Variants in BMPR1B observed in about 807,000 individuals in gnomAD.
BMPR1B encodes bone morphogenetic protein receptor type-1B.
In BMPR1B, 12 loss-of-function variants were observed where a neutral mutation model predicts 59.1. That is an observed-to-expected ratio of 0.20 (90% confidence interval 0.13 to 0.33). The LOEUF (loss-of-function observed/expected upper bound fraction) is 0.33, where lower values mean the gene tolerates loss of function less well. Among genes scored for constraint, BMPR1B ranks in the 10% least tolerant of loss-of-function variants. The probability of loss-of-function intolerance (pLI) is 1.00; values close to 1 mark genes in which losing one functional copy is unlikely to be tolerated. For missense variants in BMPR1B, 550 were observed against 610.9 expected, an observed-to-expected ratio of 0.90 and a Z score of 1.05; for synonymous variants, 237 against 207.3, an observed-to-expected ratio of 1.14 and a Z score of -1.23.
chr4:94,925,057 A>G (rs1335710513), intron 2 of BMPR1B, among the ~76,000 whole-genome samples: 2 of 152,114 alleles, frequency 1.3e-5, no homozygotes, highest in Non-Finnish European at 2.9e-5. Context: ...AATACATATT[A>G]GATCATGCTT....
chr4:94,841,768 C>T (rs1368861514), intron 1 of BMPR1B, among the ~76,000 whole-genome samples: 2 of 152,130 alleles, frequency 1.3e-5, no homozygotes, highest in African/African-American at 2.4e-5. Flanking sequence ...CCTATTCGGC[C>T]ATCTTGGCTC....
At position 95,070,271 on chromosome 4, in the gene BMPR1B, C is replaced by T. The variant is rs561397958; in HGVS notation, c.-17-34137C>T. On this transcript the variant is annotated intron_variant, in intron 3 of 12. Coordinates refer to ENST00000515059, the MANE Select transcript of BMPR1B (RefSeq NM_001203.3). ...CCTTTTGGCATCTTCTTAACGTCATCAATGGTGAGAGGAGGAAGGATTACA... is the reference window on the plus strand; with the variant it reads ...CCTTTTGGCATCTTCTTAACGTCATTAATGGTGAGAGGAGGAAGGATTACA... Among the ~76,000 whole-genome samples the T allele has an allele frequency of 3.0e-4, 46 of 152,182 alleles. No homozygotes were observed. In the South Asian group the frequency reaches 4.6e-3, roughly 15 times the overall value.
intron 1 of BMPR1B, among the ~76,000 whole-genome samples, chr4:94,783,367 T>G (rs1722651187): frequency 6.6e-6 from 1 of 152,338 alleles, no homozygotes; most frequent in East Asian, 1.9e-4. Flanking sequence ...AGTTTATGTC[T>G]CTCATGGATC....
At chr4:95,137,999 C>T (rs886363058) in intron 10 of BMPR1B, among the ~76,000 whole-genome samples, 6 of 152,166 alleles carry the variant, frequency 3.9e-5, no homozygotes, top group African/African-American at 7.2e-5. Flanking sequence ...TTCTTCCTAG[C>T]ATCGATGGTC....
chr4:95,020,753 G>A (rs1229127857), intron 3 of BMPR1B, among the ~76,000 whole-genome samples: 1 of 152,156 alleles, frequency 6.6e-6, no homozygotes, highest in East Asian at 1.9e-4. Context: ...GAGTACAGTG[G>A]CACGATCGTT....
chr4:95,094,214 G>T (rs1352631976), intron 3 of BMPR1B, among the ~76,000 whole-genome samples: 2 of 152,008 alleles, frequency 1.3e-5, no homozygotes, highest in Non-Finnish European at 2.9e-5. Flanking sequence ...TTTGCTAAAT[G>T]AATCAATGTA....
chr4:94,835,430 T>C (rs1010992059), intron 1 of BMPR1B, among the ~76,000 whole-genome samples: 6 of 152,170 alleles, frequency 3.9e-5, no homozygotes, highest in Non-Finnish European at 8.8e-5. Flanking sequence ...TAGTTCTCTA[T>C]ATATGCTAGC....
intron 3 of BMPR1B, among the ~76,000 whole-genome samples, chr4:95,014,486 AAT>A (rs1723442235): frequency 6.6e-6 from 1 of 152,178 alleles, no homozygotes; most frequent in Non-Finnish European, 1.5e-5. Flanking sequence ...AACTCCAACT[AAT>A]ATTAAATTAA....
chr4:94,945,850 A>G (rs574915964), intron 2 of BMPR1B, among the ~76,000 whole-genome samples: 2 of 152,322 alleles, frequency 1.3e-5, no homozygotes, highest in African/African-American at 4.8e-5. Flanking sequence ...TTTTTTACAT[A>G]ATATATTGAC....
At chr4:95,038,958 C>T (rs148451229) in intron 3 of BMPR1B, among the ~76,000 whole-genome samples, 128 of 152,282 alleles carry the variant, frequency 8.4e-4, no homozygotes, top group African/African-American at 2.7e-3. Context: ...GGATAACTCA[C>T]TGCTTGACTA....
chr4:95,039,062 C>T (rs17022921), intron 3 of BMPR1B, among the ~76,000 whole-genome samples: 5 of 152,040 alleles, frequency 3.3e-5, no homozygotes, highest in African/African-American at 7.2e-5. Flanking sequence ...ACAAGGTGAT[C>T]GGATAAAGGA....
intron 2 of BMPR1B, among the ~76,000 whole-genome samples, chr4:94,942,759 G>A (rs1200506125): frequency 6.6e-6 from 1 of 152,186 alleles, no homozygotes; most frequent in Non-Finnish European, 1.5e-5. Context: ...AAACCAGCAG[G>A]TGTTAAGAAA....
rs906886192 is a variant in BMPR1B at position 94,806,277 on chromosome 4, G to T, written c.-183+48209G>T. Among the ~76,000 whole-genome samples the T allele has an allele frequency of 2.6e-5, 4 of 152,108 alleles. No homozygotes were observed. The South Asian group carries it at 8.3e-4, about 32-fold the overall frequency. ...TGACAGTAAGTTTTCTGCATGTCAG[G>T]CCCAGAATTCACATGCTTTTCCACC... On this transcript the variant is annotated intron_variant, in intron 1 of 12. Coordinates refer to ENST00000515059, the MANE Select transcript of BMPR1B (RefSeq NM_001203.3).
intron 2 of BMPR1B, among the ~76,000 whole-genome samples, chr4:94,876,703 C>T (rs1232988720): frequency 1.3e-5 from 2 of 152,180 alleles, no homozygotes; most frequent in Non-Finnish European, 2.9e-5. Flanking sequence ...ACCGATAATA[C>T]TATTTGAACA....
chr4:94,788,190 C>T (rs1363119247), intron 1 of BMPR1B, among the ~76,000 whole-genome samples: 2 of 152,146 alleles, frequency 1.3e-5, no homozygotes, highest in Non-Finnish European at 2.9e-5. Flanking sequence ...ACTTTAGCCA[C>T]AGGACACAGT....
chr4:94,980,420 C>A (rs1731192023), intron 2 of BMPR1B, among the ~76,000 whole-genome samples: 1 of 152,080 alleles, frequency 6.6e-6, no homozygotes, highest in Non-Finnish European at 1.5e-5. Context: ...CCTTGTTCAG[C>A]ATTGTTTTCT....
intron 3 of BMPR1B, chr4:95,051,860 A>G: frequency 7.5e-7 from 1 of 1,326,590 alleles, no homozygotes; most frequent in Non-Finnish European, 1.0e-6. Flanking sequence ...GGGAAAGTTC[A>G]GGCCAGAAGT....
intron 1 of BMPR1B, among the ~76,000 whole-genome samples, chr4:94,790,481 C>G (rs1265271047): frequency 6.6e-6 from 1 of 152,114 alleles, no homozygotes; most frequent in Admixed American, 6.6e-5. Context: ...TGTGATTTTT[C>G]AGTGCTGAGG....
At chr4:94,907,919 A>G (rs1005480461) in intron 2 of BMPR1B, among the ~76,000 whole-genome samples, 8 of 151,572 alleles carry the variant, frequency 5.3e-5, no homozygotes, top group African/African-American at 1.7e-4. Context: ...GTGTGGTGGC[A>G]TGCACCTGTA....
Sources: allele counts gnomAD v4.1 joint callset (sites outside exome capture counted in the v4.1 genomes callset), GRCh38; gene constraint gnomAD v4.1.1; transcripts MANE v1.5; gene names NCBI Gene and HGNC (gene_info 2026-07-23, HGNC 2026-07-21).